ERCC8: variants seen among roughly 807,000 people sequenced by gnomAD.
The protein encoded by ERCC8 is DNA excision repair protein ERCC-8.
ERCC8 carries 52 observed loss-of-function variants against 54.9 expected under a neutral mutation model. That is an observed-to-expected ratio of 0.95 (90% CI 0.76 to 1.19). The LOEUF is 1.19. Ranked by LOEUF, ERCC8 falls within the 50% of genes most tolerant of loss-of-function variation. The probability of loss-of-function intolerance (pLI) is 0.00; values close to 1 mark genes in which losing one functional copy is unlikely to be tolerated. For missense variants in ERCC8, 514 were observed against 466.1 expected (o/e 1.10, Z -0.95); for synonymous variants, 146 against 157.2 (o/e 0.93, Z 0.53).
chr5:60,880,686 T>C (rs1748184809), intron 11 of ERCC8, among the ~76,000 whole-genome samples: 1 of 152,256 alleles, frequency 6.6e-6, no homozygotes, highest in South Asian at 2.1e-4. Context: ...ATTCATCACG[T>C]AGTTCTCGTG....
At chr5:60,903,535 C>G in intron 6 of ERCC8, 113 bp downstream of exon 6, 1 of 1,539,214 alleles carries the variant, frequency 6.5e-7, no homozygotes, top group Non-Finnish European at 8.8e-7. Context: ...GTCTCAACAA[C>G]CAGCACAAAG....
chr5:60,918,423 C>A, intron 3 of ERCC8, 35 bp from the exon 4 acceptor site: 1 of 1,591,800 alleles, frequency 6.3e-7, no homozygotes, highest in Non-Finnish European at 8.6e-7. Flanking sequence ...CATTAACTGA[C>A]TTATGTGAGT....
intron 9 of ERCC8, chr5:60,893,320 TC>T (rs1478211648): frequency 1.1e-6 from 1 of 872,394 alleles, no homozygotes; most frequent in Non-Finnish European, 2.0e-6. Context: ...CCTCCTGGCG[TC>T]TTAGGATATC....
rs1490268516 is a variant in ERCC8, at chr5:60,868,281, A to G, written c.*6334T>C. ...TTGACTTAATTGTGTTTTTAGAGAC[A>G]GAATAACTAACCAGGTTGGGACAGA... On this transcript the variant is annotated 3_prime_UTR_variant, in exon 12 of 12. Transcript: ENST00000676185. Among the ~76,000 whole-genome samples, 2 of 152,244 alleles carry G rather than the reference A, an allele frequency of 1.3e-5. No homozygotes were observed. The highest frequency in any genetic ancestry group is 4.8e-5 in the African/African-American group (2 of 41,466).
chr5:60,909,249 A>G (rs1174625861), intron 4 of ERCC8, among the ~76,000 whole-genome samples: 4 of 63,062 alleles, frequency 6.3e-5, no homozygotes, highest in African/African-American at 6.7e-5. Flanking sequence ...TTCTGAAAAA[A>G]AAAAAAAAAA....
intron 4 of ERCC8, among the ~76,000 whole-genome samples, chr5:60,914,006 T>C (rs1288551388): frequency 6.6e-6 from 1 of 152,146 alleles, no homozygotes; most frequent in African/African-American, 2.4e-5. Context: ...GTGCTTTACT[T>C]CCAACTATGT....
At chr5:60,941,670 C>T (rs1750260948) in intron 1 of ERCC8, among the ~76,000 whole-genome samples, 1 of 152,048 alleles carries the variant, frequency 6.6e-6, no homozygotes, top group Admixed American at 6.6e-5. Context: ...TTCAAAGCAA[C>T]CAGAGAAAAA....
At chr5:60,874,800 G>C in intron 11 of ERCC8, 117 bp from the exon 12 acceptor site, 1 of 819,058 alleles carries the variant, frequency 1.2e-6, no homozygotes, top group Non-Finnish European at 1.9e-6. Context: ...TATTTTGGAA[G>C]AAAATGTATA....
chr5:60,928,870 C>G lies in ERCC8; in HGVS notation c.167G>C (p.Gly56Ala). 1.9e-6 allele frequency: 3 copies of G among 1,574,164 alleles called. No individual in the cohort carries two copies. The highest frequency in any genetic ancestry group is 2.6e-6 in the Non-Finnish European group (3 of 1,145,216). The change falls in exon 2 of 12, where the codon GGG (glycine) becomes GCG (alanine). Residue 56 changes from glycine (G) to alanine (A), a missense_variant. Gly to Ala is a moderately conservative substitution (Grantham distance 60). Coordinates refer to ENST00000676185, the MANE Select transcript of ERCC8 (RefSeq NM_000082.4). ...INTLDIEPVE[G>A]RYMLSGGSDG... Reference sequence around the variant, plus strand: ...ACAAGTATAATAAACTTACTATCTCCCTTCAACAGGTTCAATGTCAAGGGT... The same window carrying G: ...ACAAGTATAATAAACTTACTATCTCGCTTCAACAGGTTCAATGTCAAGGGT...
rs1436392000 is a variant in ERCC8 at position 60,890,968 on chromosome 5, A to G, written c.962T>C (p.Val321Ala). 1 of 1,613,300 alleles carries G rather than the reference A, an allele frequency of 6.2e-7. No homozygotes were observed. Among genetic ancestry groups the G allele is most frequent in the Admixed American group, 1.7e-5 (1 of 60,016 alleles). Residue 321 changes from valine (V) to alanine (A), a missense_variant, in exon 10 of 12, where the codon GTT becomes GCT. Physicochemically the swap from Val to Ala is moderately conservative, Grantham distance 64. Coordinates refer to ENST00000676185, the MANE Select transcript of ERCC8 (RefSeq NM_000082.4). ...PYGSTIAVYT[V>A]YSGEQITMLK... ...CATAGTTATCTGTTCTCCTGAGTAA[A>G]CTGTATAAACAGCAATGGTGCTACC...
At chr5:60,904,554 C>A (rs2112494058) in intron 5 of ERCC8, among the ~76,000 whole-genome samples, 1 of 148,118 alleles carries the variant, frequency 6.8e-6, no homozygotes, top group African/African-American at 2.5e-5. Context: ...ATCCTGGCCA[C>A]AGCATAGTGC....
chr5:60,891,557 C>T (rs1748556673), intron 9 of ERCC8, among the ~76,000 whole-genome samples: 1 of 151,332 alleles, frequency 6.6e-6, no homozygotes, highest in African/African-American at 2.4e-5. Context: ...AAAGACTACC[C>T]CACCAAGAAT....
At chr5:60,936,441 A>G (rs1463830893) in intron 1 of ERCC8, among the ~76,000 whole-genome samples, 2 of 152,068 alleles carry the variant, frequency 1.3e-5, no homozygotes, top group South Asian at 4.1e-4. Context: ...TGGTCTATCA[A>G]TTTTATTTAT....
At chr5:60,878,787 C>A (rs1342341753) in intron 11 of ERCC8, among the ~76,000 whole-genome samples, 2 of 152,096 alleles carry the variant, frequency 1.3e-5, no homozygotes, top group Admixed American at 6.5e-5. Context: ...TGCTAGTGGT[C>A]TATCAATTTT....
intron 1 of ERCC8, among the ~76,000 whole-genome samples, chr5:60,934,428 GTTTATC>G (rs1561517345): frequency 1.3e-5 from 2 of 152,176 alleles, no homozygotes; most frequent in Admixed American, 6.5e-5. Flanking sequence ...TGTTGGGATT[GTTTATC>G]TTTTTCTTGA....
chr5:60,911,969 G>C (rs1749280320), intron 4 of ERCC8, among the ~76,000 whole-genome samples: 1 of 152,214 alleles, frequency 6.6e-6, no homozygotes, highest in African/African-American at 2.4e-5. Flanking sequence ...TTTGGTACCA[G>C]TACCATGCTG....
intron 4 of ERCC8, chr5:60,915,212 G>A (rs1378401629): frequency 6.6e-6 from 1 of 152,044 alleles, no homozygotes; most frequent in Non-Finnish European, 1.5e-5. Context: ...GCCTGGAGAT[G>A]TCAGTCTTCT....
intron 5 of ERCC8, among the ~76,000 whole-genome samples, chr5:60,904,419 G>T (rs1748992274): frequency 6.6e-6 from 1 of 151,582 alleles, no homozygotes; most frequent in African/African-American, 2.4e-5. Context: ...CTTAGAGAAA[G>T]AAAGAATTTC....
chr5:60,944,252 C>A (rs1246285809), intron 1 of ERCC8, among the ~76,000 whole-genome samples: 2 of 152,162 alleles, frequency 1.3e-5, no homozygotes, highest in African/African-American at 4.8e-5. Context: ...TACTTGGCAA[C>A]TCTGTGGCCC....
Sources: allele counts gnomAD v4.1 joint callset (sites outside exome capture counted in the v4.1 genomes callset), GRCh38; gene constraint gnomAD v4.1.1; transcripts MANE v1.5; gene names NCBI Gene and HGNC (gene_info 2026-07-23, HGNC 2026-07-21).